PDE9A: variants seen among roughly 807,000 people sequenced by gnomAD.
PDE9A encodes the protein phosphodiesterase 9A, also known as high affinity cGMP-specific 3',5'-cyclic phosphodiesterase 9A.
PDE9A carries 60 observed loss-of-function variants against 87.4 expected under a neutral mutation model. That is an observed-to-expected ratio of 0.69 (90% CI 0.56 to 0.85). The LOEUF (loss-of-function observed/expected upper bound fraction) is 0.85. PDE9A is among the 40% of genes least tolerant of loss of function. The pLI, the probability that PDE9A is intolerant of heterozygous loss-of-function variation, is 0.00. For synonymous variants in PDE9A, 272 were observed against 279.4 expected (o/e 0.97, Z 0.27); for missense variants, 665 against 779.0 (o/e 0.85, Z 1.74).
chr21:42,697,057 A>G (rs1364310812), intron 3 of PDE9A, among the ~76,000 whole-genome samples: 1 of 152,058 alleles, frequency 6.6e-6, no homozygotes, highest in Non-Finnish European at 1.5e-5. Context: ...ACGTGGTGGG[A>G]GATGAGAGGG....
chr21:42,766,039 A>G (rs2056366454), intron 15 of PDE9A, among the ~76,000 whole-genome samples: 1 of 152,246 alleles, frequency 6.6e-6, no homozygotes, highest in Non-Finnish European at 1.5e-5. Flanking sequence ...GGGCACACCA[A>G]GGCACACAAG....
At chr21:42,764,983 GTGGATGGA>G (rs780841485) in intron 14 of PDE9A, among the ~76,000 whole-genome samples, 101 of 118,406 alleles carry the variant, frequency 8.5e-4, no homozygotes, top group African/African-American at 3.6e-3. Flanking sequence ...GGGTGGGTGG[GTGGATGGA>G]TGGATGGATG....
At chr21:42,678,359 CAG>C (rs1309839462) in intron 1 of PDE9A, among the ~76,000 whole-genome samples, 1 of 152,190 alleles carries the variant, frequency 6.6e-6, no homozygotes, top group East Asian at 1.9e-4. Context: ...GTAAATGGGG[CAG>C]AGACAGTGAA....
rs34765923 is a variant in PDE9A, at chr21:42,760,756, ACC to A, written c.1003-63_1003-62del. On this transcript the variant is annotated intron_variant, in intron 12 of 19. Transcript: ENST00000291539. The surrounding 1 kb of genome is among the most constrained non-coding windows in gnomAD (Gnocchi z 5.2). ...CCCCGCTTACCACTCACCCAATTCC[ACC>A]CCCCCTCACCCCATCCCACCCTCCG... The A allele has an allele frequency of 0.53, 428,660 of 803,866 alleles. 121,328 individuals carry two copies. The highest frequency in any genetic ancestry group is 0.62 in the African/African-American group (36,197 of 57,928). 49.8% of individuals were successfully genotyped at this position (803,866 alleles called of 1,614,324 possible). A position where few individuals can be genotyped will look rare whatever the true frequency, so the allele number is the denominator to read the frequency against.
intron 19 of PDE9A, among the ~76,000 whole-genome samples, chr21:42,772,924 G>A (rs892439634): frequency 7.9e-5 from 12 of 151,346 alleles, no homozygotes; most frequent in Admixed American, 3.3e-4. Context: ...GTGAGATTGC[G>A]CCTGACCAAA....
chr21:42,751,086 C>T (rs2054366587), intron 8 of PDE9A, 30 bp from the exon 9 acceptor site: 1 of 1,410,738 alleles, frequency 7.1e-7, no homozygotes, highest in Non-Finnish European at 1.0e-6. Context: ...AACAGCAGGA[C>T]CACAGCTCAT....
At chr21:42,693,719 A>G (rs1350662640) in intron 3 of PDE9A, among the ~76,000 whole-genome samples, 17 of 151,634 alleles carry the variant, frequency 1.1e-4, no homozygotes, top group Admixed American at 1.1e-3. Flanking sequence ...CAGCCTCCCA[A>G]GTAGCTGGGA....
chr21:42,715,470 T>C, intron 4 of PDE9A, among the ~76,000 whole-genome samples: 1 of 151,816 alleles, frequency 6.6e-6, no homozygotes, highest in East Asian at 1.9e-4. Context: ...CTACTAAAAA[T>C]ATAAAAATTA....
chr21:42,768,066 G>C (rs13047331), intron 15 of PDE9A, 122 bp from the exon 16 acceptor site: 31,178 of 672,936 alleles, frequency 0.046, 882 homozygotes, highest in Middle Eastern at 0.087. Context: ...GCCAAGCTCA[G>C]TTGCATGGTC....
intron 1 of PDE9A, among the ~76,000 whole-genome samples, chr21:42,665,824 A>G (rs1237930244): frequency 6.6e-6 from 1 of 152,194 alleles, no homozygotes; most frequent in Non-Finnish European, 1.5e-5. Context: ...CATGCAGCTC[A>G]CCCGTGAGAG....
chr21:42,703,124 C>T (rs966435550), intron 4 of PDE9A, among the ~76,000 whole-genome samples: 5 of 152,174 alleles, frequency 3.3e-5, no homozygotes, highest in African/African-American at 7.2e-5. Context: ...TAAGTGGAAG[C>T]GGGATATAGA....
At chr21:42,745,363 C>T (rs1879379065) in intron 8 of PDE9A, among the ~76,000 whole-genome samples, 1 of 152,242 alleles carries the variant, frequency 6.6e-6, no homozygotes. Context: ...AGGGATGTCT[C>T]AGCCCAATTG....
intron 8 of PDE9A, among the ~76,000 whole-genome samples, chr21:42,745,370 A>T (rs1329938591): frequency 3.3e-5 from 5 of 152,236 alleles, no homozygotes; most frequent in Non-Finnish European, 5.9e-5. Flanking sequence ...TCTCAGCCCA[A>T]TTGACTTAGG....
At chr21:42,680,570 C>A (rs534987371) in intron 1 of PDE9A, among the ~76,000 whole-genome samples, 2 of 152,384 alleles carry the variant, frequency 1.3e-5, no homozygotes, top group East Asian at 3.9e-4. Context: ...CGACCAGAGC[C>A]CCGGGTCCCC....
intron 1 of PDE9A, among the ~76,000 whole-genome samples, chr21:42,663,059 CACACTT>C (rs922623565): frequency 2.8e-5 from 4 of 140,416 alleles, no homozygotes; most frequent in African/African-American, 6.0e-5. Context: ...ATGCACACAC[CACACTT>C]ACACACATGC....
At chr21:42,654,459 G>C (rs559775522) in intron 1 of PDE9A, among the ~76,000 whole-genome samples, 2 of 152,300 alleles carry the variant, frequency 1.3e-5, no homozygotes, top group South Asian at 4.1e-4. Flanking sequence ...GCGGACTTGA[G>C]TTACACGGGA....
chr21:42,764,983 GTGGA>G (rs780841485), intron 14 of PDE9A, among the ~76,000 whole-genome samples: 53 of 118,408 alleles, frequency 4.5e-4, no homozygotes, highest in East Asian at 3.3e-3. Context: ...GGGTGGGTGG[GTGGA>G]TGGATGGATG....
At chr21:42,764,373 G>A (rs74485808) in intron 14 of PDE9A, among the ~76,000 whole-genome samples, 6,332 of 152,238 alleles carry the variant, frequency 0.042, 296 homozygotes, top group Admixed American at 0.12. Context: ...GTGTGGCTAC[G>A]ATAAGCTGTG....
intron 4 of PDE9A, among the ~76,000 whole-genome samples, chr21:42,703,882 A>C (rs968808344): frequency 2.0e-5 from 3 of 152,354 alleles, no homozygotes; most frequent in Non-Finnish European, 4.4e-5. Context: ...TTTGAGTAAA[A>C]GAACAATAAG....
Sources: allele counts gnomAD v4.1 joint callset (sites outside exome capture counted in the v4.1 genomes callset), GRCh38; gene constraint gnomAD v4.1.1; non-coding constraint Gnocchi (gnomAD v3.1); transcripts MANE v1.5; gene names NCBI Gene and HGNC (gene_info 2026-07-23, HGNC 2026-07-21).